Variants in ADCY8 observed in about 807,000 individuals in gnomAD.
The protein encoded by ADCY8 is adenylate cyclase 8, also known as adenylate cyclase type 8.
In ADCY8, 51 loss-of-function variants were observed where a neutral mutation model predicts 119.7. The observed-to-expected ratio is 0.43, with a 90% CI of 0.34 to 0.54. The LOEUF (loss-of-function observed/expected upper bound fraction) is 0.54. ADCY8 is among the 20% of genes least tolerant of loss of function. The pLI is 0.03. For missense variants in ADCY8, 1,383 were observed against 1,598.8 expected (o/e 0.87, Z 2.30); for synonymous variants, 665 against 651.0 (o/e 1.02, Z -0.33).
rs563468171 is a variant in ADCY8, at chr8:130,915,837, C to T, written c.1482-5971G>A. Among the ~76,000 whole-genome samples the T allele has an allele frequency of 7.9e-4, 121 of 152,264 alleles. 2 individuals carry two copies. The highest frequency in any genetic ancestry group is 4.3e-4 in the Non-Finnish European group (29 of 68,022). On this transcript the variant is annotated intron_variant, in intron 5 of 17. Transcript: ENST00000286355. ...GACATAGCTTCAACCAACCCATCAG[C>T]GGCACAGTTCTTAGGCATAAACTGG...
At chr8:130,956,364 A>G (rs1261397924) in intron 2 of ADCY8, among the ~76,000 whole-genome samples, 1 of 152,154 alleles carries the variant, frequency 6.6e-6, no homozygotes, top group East Asian at 1.9e-4. Flanking sequence ...GGTCACTACA[A>G]TGCGTGCTAC....
intron 9 of ADCY8, among the ~76,000 whole-genome samples, chr8:130,851,551 C>T (rs936923386): frequency 1.3e-5 from 2 of 152,052 alleles, no homozygotes; most frequent in South Asian, 2.1e-4. Context: ...ATCAGATCTG[C>T]GTGTTTGAAA....
chr8:130,914,929 G>T (rs1247285594), intron 5 of ADCY8, among the ~76,000 whole-genome samples: 1 of 152,202 alleles, frequency 6.6e-6, no homozygotes, highest in Non-Finnish European at 1.5e-5. Context: ...AATGGAGAAA[G>T]CTCAATGGCT....
chr8:131,009,421 T>C (rs1823230240), intron 1 of ADCY8, among the ~76,000 whole-genome samples: 1 of 152,162 alleles, frequency 6.6e-6, no homozygotes, highest in Non-Finnish European at 1.5e-5. Flanking sequence ...CCTATTCTCA[T>C]GATAGTGAGT....
At chr8:131,037,084 C>A (rs1824179468) in intron 1 of ADCY8, among the ~76,000 whole-genome samples, 1 of 152,112 alleles carries the variant, frequency 6.6e-6, no homozygotes, top group Non-Finnish European at 1.5e-5. Flanking sequence ...GACTCTTAAG[C>A]CAATAGAGGG....
chr8:130,861,266 A>G (rs916450584), intron 9 of ADCY8, among the ~76,000 whole-genome samples: 4 of 152,210 alleles, frequency 2.6e-5, no homozygotes, highest in African/African-American at 9.6e-5. Flanking sequence ...TTGACAATGC[A>G]TTGACCTATA....
chr8:131,039,535 G>A lies in ADCY8; in HGVS notation c.799C>T (p.Leu267=), dbSNP rs1283157575. The change falls in exon 1 of 18, where the codon CTG becomes TTG. Residue 267 remains leucine (L), a synonymous_variant. Transcript: ENST00000286355. ...AGCACGTAGCCTATGCCGTCGCCCA[G>A]GAGCCCGTAGCCGAGGCCTGCTGCC... ...ILAAGLGYGL[L]GDGIGYVLFT... The A allele has an allele frequency of 6.2e-7, 1 of 1,613,854 alleles. No homozygotes were observed. The highest frequency in any genetic ancestry group is 1.1e-5 in the South Asian group (1 of 91,084).
chr8:130,951,923 C>T lies in ADCY8; in HGVS notation c.1186G>A (p.Glu396Lys). 6.2e-7 allele frequency: 1 copy of T among 1,614,030 alleles called. No homozygotes were observed. The highest frequency in any genetic ancestry group is 8.5e-7 in the Non-Finnish European group (1 of 1,179,994). The change falls in exon 3 of 18, where the codon GAG becomes AAG. Residue 396 changes from glutamate (E) to lysine (K), a missense_variant. Coordinates refer to ENST00000286355, the MANE Select transcript of ADCY8 (RefSeq NM_001115.3). The part of the protein sequence containing the change: ...MINDMTNVED[E>K]HLQHQFHRIY... ...CGATGGAACTGGTGCTGCAGGTGCT[C>T]ATCTTCCACATTGGTCATGTCGTTG...
chr8:130,931,083 T>C (rs1033346024), intron 5 of ADCY8, among the ~76,000 whole-genome samples: 2 of 152,226 alleles, frequency 1.3e-5, no homozygotes, highest in Non-Finnish European at 2.9e-5. Flanking sequence ...TCCTTTTCTT[T>C]CAGCTAGAAC....
Position 130,821,404 on chromosome 8 carries a change from T to C in ADCY8, c.2692A>G (p.Lys898Glu), listed in dbSNP as rs1816503306. The change falls in exon 13 of 18, where the codon AAG becomes GAG. Residue 898 changes from lysine to glutamate, a missense_variant. Coordinates refer to ENST00000286355, the MANE Select transcript of ADCY8 (RefSeq NM_001115.3). The part of the protein sequence containing the change: ...NHSGEDFLGT[K>E]EVSLLLMAMF... ...GCCATCAGTAGCAGTGATACCTCCTTGGTCCCCAGGAAATCTCTGTTGGAA... is the reference window on the plus strand; with the variant it reads ...GCCATCAGTAGCAGTGATACCTCCTCGGTCCCCAGGAAATCTCTGTTGGAA... The C allele has an allele frequency of 5.0e-6, 8 of 1,613,254 alleles. No homozygotes were observed. Among genetic ancestry groups the C allele is most frequent in the African/African-American group, 1.3e-5 (1 of 75,016 alleles).
chr8:130,824,881 A>G (rs777941756), intron 12 of ADCY8, among the ~76,000 whole-genome samples: 2 of 152,228 alleles, frequency 1.3e-5, no homozygotes, highest in Non-Finnish European at 2.9e-5. Context: ...TGCACAGGCC[A>G]CATATCCATG....
rs545032878 is a variant in ADCY8 at position 130,897,005 on chromosome 8, G to A, written c.1911+6767C>T. On this transcript the variant is annotated intron_variant, in intron 7 of 17. Transcript: ENST00000286355. Reference sequence around the variant, plus strand: ...TTGCTATTGTTCAAATGAGGACACCGAGCCTTGGAGGGGAGAAGTGGTTGC... The same window carrying A: ...TTGCTATTGTTCAAATGAGGACACCAAGCCTTGGAGGGGAGAAGTGGTTGC... 3.3e-5 allele frequency among the ~76,000 whole-genome samples: 5 copies of A among 152,210 alleles called. No homozygotes were observed. In the East Asian group the frequency reaches 5.8e-4, roughly 18 times the overall value.
intron 1 of ADCY8, among the ~76,000 whole-genome samples, chr8:130,993,021 G>A (rs1822649929): frequency 1.3e-5 from 2 of 151,978 alleles, no homozygotes; most frequent in Admixed American, 1.3e-4. Context: ...ACATATAGGA[G>A]ACATATTCTT....
intron 1 of ADCY8, among the ~76,000 whole-genome samples, chr8:131,014,760 G>A (rs1181761124): frequency 6.6e-6 from 1 of 152,094 alleles, no homozygotes; most frequent in Non-Finnish European, 1.5e-5. Flanking sequence ...AATGGTAATG[G>A]GACTTACTTC....
At chr8:130,858,900 ATGTGTG>A (rs139305903) in intron 9 of ADCY8, among the ~76,000 whole-genome samples, 3 of 148,806 alleles carry the variant, frequency 2.0e-5, no homozygotes, top group African/African-American at 4.9e-5. Context: ...TATCATGTAT[ATGTGTG>A]TGTGTGTGTG....
chr8:130,917,417 C>G (rs1820161382), intron 5 of ADCY8, among the ~76,000 whole-genome samples: 1 of 152,166 alleles, frequency 6.6e-6, no homozygotes, highest in Non-Finnish European at 1.5e-5. Flanking sequence ...AGACTCCAAG[C>G]TGAATGGTGT....
chr8:130,871,898 C>T (rs968194972), intron 8 of ADCY8, among the ~76,000 whole-genome samples: 2 of 151,968 alleles, frequency 1.3e-5, no homozygotes, highest in Non-Finnish European at 2.9e-5. Flanking sequence ...ACCTGTGAAC[C>T]CTTGTAATTT....
At chr8:130,974,104 A>C (rs11781742) in intron 2 of ADCY8, among the ~76,000 whole-genome samples, 37,728 of 152,130 alleles carry the variant, frequency 0.25, 6,578 homozygotes, top group African/African-American at 0.5. Context: ...TAGACTAGCA[A>C]CCTATCCAAC....
chr8:130,850,177 A>C (rs993595915), intron 9 of ADCY8, among the ~76,000 whole-genome samples: 13 of 152,094 alleles, frequency 8.5e-5, no homozygotes, highest in Admixed American at 4.6e-4. Flanking sequence ...GGGTTTTATG[A>C]AGATTTCCCC....
Sources: allele counts gnomAD v4.1 joint callset (sites outside exome capture counted in the v4.1 genomes callset), GRCh38; gene constraint gnomAD v4.1.1; transcripts MANE v1.5; gene names NCBI Gene and HGNC (gene_info 2026-07-23, HGNC 2026-07-21).